Variants in PLOD1 observed in about 807,000 individuals in gnomAD.
The protein encoded by PLOD1 is procollagen-lysine,2-oxoglutarate 5-dioxygenase 1, also known as lysine hydroxylase.
A neutral mutation model predicts 94.7 loss-of-function variants in PLOD1; 70 were observed. The ratio of observed to expected loss-of-function variants is 0.74; its 90% CI spans 0.61 to 0.90. The LOEUF (loss-of-function observed/expected upper bound fraction) is 0.90, where lower values mean the gene tolerates loss of function less well. Among genes scored for constraint, PLOD1 ranks in the 40% least tolerant of loss-of-function variants. The probability of loss-of-function intolerance (pLI) is 0.00; values close to 1 mark genes in which losing one functional copy is unlikely to be tolerated. For synonymous variants in PLOD1, 417 were observed against 400.2 expected, an observed-to-expected ratio of 1.04 and a Z score of -0.50; for missense variants, 905 against 972.7, an observed-to-expected ratio of 0.93 and a Z score of 0.93.
At chr1:11,947,946 C>G (rs781348363) in intron 1 of PLOD1, 30 bp from the exon 2 acceptor site, 1 of 1,413,910 alleles carries the variant, frequency 7.1e-7, no homozygotes. Context: ...ATCCTCCATT[C>G]CCATTCACCA....
intron 1 of PLOD1, among the ~76,000 whole-genome samples, chr1:11,941,494 T>TA (rs1162483200): frequency 0.041 from 6,289 of 151,600 alleles, 415 homozygotes; most frequent in African/African-American, 0.14. Context: ...TTATTATTAT[T>TA]TTTGAGATGG....
At chr1:11,944,509 CT>C in intron 1 of PLOD1, 2 of 1,332,592 alleles carry the variant, frequency 1.5e-6, no homozygotes, top group South Asian at 2.4e-5. Flanking sequence ...GACACTCTTC[CT>C]GTCCCCAGCA....
chr1:11,967,452 C>T (rs576437037), intron 16 of PLOD1, among the ~76,000 whole-genome samples: 1 of 150,960 alleles, frequency 6.6e-6, no homozygotes, highest in Admixed American at 6.6e-5. Context: ...GAAGGGCTGT[C>T]GGGTCCAAGT....
chr1:11,943,421 C>G (rs1156669643), intron 1 of PLOD1, among the ~76,000 whole-genome samples: 1 of 151,804 alleles, frequency 6.6e-6, no homozygotes, highest in East Asian at 1.9e-4. Flanking sequence ...CTGAGCCTCA[C>G]GAGTAGTTGG....
At chr1:11,953,603 C>A (rs1176721482) in intron 5 of PLOD1, among the ~76,000 whole-genome samples, 1 of 151,336 alleles carries the variant, frequency 6.6e-6, no homozygotes, top group African/African-American at 2.4e-5. Flanking sequence ...ACCAGCCTGG[C>A]CAACATGATG....
chr1:11,942,780 T>C (rs1413538524), intron 1 of PLOD1, among the ~76,000 whole-genome samples: 2 of 151,918 alleles, frequency 1.3e-5, no homozygotes, highest in African/African-American at 2.4e-5. Flanking sequence ...CTGGGAAAGG[T>C]AGGAAAAATC....
intron 10 of PLOD1, among the ~76,000 whole-genome samples, chr1:11,961,863 A>G (rs1645780019): frequency 6.6e-6 from 1 of 152,200 alleles, no homozygotes; most frequent in South Asian, 2.1e-4. Context: ...ATCTCGGCTC[A>G]CTGCAACCTC....
chr1:11,944,640 T>C, intron 1 of PLOD1: 1 of 1,360,848 alleles, frequency 7.3e-7, no homozygotes, highest in Non-Finnish European at 9.8e-7. Flanking sequence ...GCAGCATCCC[T>C]CGTTTCTGGA....
chr1:11,968,084 G>A (rs1645834349), intron 16 of PLOD1, among the ~76,000 whole-genome samples: 1 of 151,610 alleles, frequency 6.6e-6, no homozygotes, highest in Admixed American at 6.6e-5. Context: ...CTCTCCAGTA[G>A]CTGGGACTAC....
At chr1:11,959,035 C>A (rs144018463) in intron 9 of PLOD1, among the ~76,000 whole-genome samples, 1 of 151,880 alleles carries the variant, frequency 6.6e-6, no homozygotes, top group Non-Finnish European at 1.5e-5. Flanking sequence ...TGAAACCCTG[C>A]CTCTACTAAA....
At position 11,949,908 on chromosome 1, in the gene PLOD1, T is replaced by C. The variant is rs1645687335; in HGVS notation, c.302+2T>C. On this transcript the variant is annotated splice_donor_variant, in intron 3 of 18. Coordinates refer to ENST00000196061, the MANE Select transcript of PLOD1 (RefSeq NM_000302.4). LOFTEE classifies it high-confidence loss of function. ...TCTGGTCATTCTCTTCGCAGACAGG[T>C]AGGTGGGTCAGGGCTTCCTAGCCTG... The C allele has an allele frequency of 6.2e-7, 1 of 1,613,754 alleles. No individual in the cohort carries two copies. Among genetic ancestry groups the C allele is most frequent in the East Asian group, 2.2e-5 (1 of 44,860 alleles).
In PLOD1 at chr1:11,952,706, A is replaced by T; in HGVS notation, c.550A>T (p.Thr184Ser). The T allele has an allele frequency of 1.2e-6, 2 of 1,613,824 alleles. No individual in the cohort carries two copies. The highest frequency in any genetic ancestry group is 1.1e-5 in the South Asian group (1 of 91,084). ...QDSDSDQLFY[T>S]KIFLDPEKRE... is the part of the protein sequence containing the mutation. ...CAGCGACAGCGATCAGCTGTTTTACACCAAGATCTTCTTGGACCCGGAGAA... is the reference window on the plus strand; with the variant it reads ...CAGCGACAGCGATCAGCTGTTTTACTCCAAGATCTTCTTGGACCCGGAGAA... Residue 184 changes from threonine to serine, a missense_variant, in exon 5 of 19, where the codon ACC (threonine) becomes TCC (serine). By Grantham distance (58) the Thr-to-Ser change is moderately conservative. Transcript: ENST00000196061.
chr1:11,961,025 G>C (rs892868306), intron 10 of PLOD1, among the ~76,000 whole-genome samples: 3 of 152,054 alleles, frequency 2.0e-5, no homozygotes, highest in Non-Finnish European at 4.4e-5. Flanking sequence ...AGGAAGGACT[G>C]GGGGCAAAAG....
At chr1:11,934,911 C>T in intron 1 of PLOD1, 56 bp downstream of exon 1, 1 of 1,512,216 alleles carries the variant, frequency 6.6e-7, no homozygotes, top group South Asian at 1.2e-5. Context: ...GGGCTGGTGT[C>T]GGGCTGCCTC....
chr1:11,951,342 G>T (rs1645699267), intron 4 of PLOD1, among the ~76,000 whole-genome samples: 1 of 151,466 alleles, frequency 6.6e-6, no homozygotes, highest in Admixed American at 6.6e-5. Context: ...GAGGTGGGAG[G>T]ATCACTTGAG....
intron 11 of PLOD1, 56 bp from the exon 12 acceptor site, chr1:11,964,119 C>T: frequency 6.3e-7 from 1 of 1,583,732 alleles, no homozygotes. Flanking sequence ...CTGGTTAGTG[C>T]TGTCTCCTAC....
intron 10 of PLOD1, among the ~76,000 whole-genome samples, chr1:11,962,542 C>G (rs967809175): frequency 3.3e-5 from 5 of 152,052 alleles, no homozygotes; most frequent in African/African-American, 1.2e-4. Context: ...TCCCAAAGTG[C>G]TGGGATTACA....
intron 1 of PLOD1, among the ~76,000 whole-genome samples, chr1:11,945,358 C>T (rs1399424142): frequency 6.6e-6 from 1 of 151,568 alleles, no homozygotes; most frequent in African/African-American, 2.4e-5. Flanking sequence ...GTCAAGGTTG[C>T]AGTGAGCCAT....
chr1:11,968,719 G>T (rs1645839794), intron 16 of PLOD1, among the ~76,000 whole-genome samples: 1 of 151,324 alleles, frequency 6.6e-6, no homozygotes, highest in African/African-American at 2.4e-5. Context: ...CACCATTTTG[G>T]TCAGGCTGGT....
Sources: gnomAD v4.1 joint callset for allele counts (sites outside exome capture counted in the v4.1 genomes callset) on GRCh38, gnomAD v4.1.1 for gene constraint, MANE v1.5 for transcripts, NCBI Gene and HGNC (gene_info 2026-07-23, HGNC 2026-07-21) for gene names.